The following LARGE1 variants were observed in gnomAD, a reference collection of about 807,000 sequenced individuals.
LARGE1 encodes the protein xylosyl- and glucuronyltransferase LARGE1.
Under a neutral mutation model 87.6 loss-of-function variants are expected in LARGE1, and 43 were observed. The ratio of observed to expected loss-of-function variants is 0.49; its 90% CI spans 0.38 to 0.63. The LOEUF is 0.63. Among genes scored for constraint, LARGE1 ranks in the 30% least tolerant of loss-of-function variants. LARGE1 has a pLI of 0.00. For missense variants in LARGE1, 802 were observed against 1,000.2 expected (o/e 0.80, Z 2.67); for synonymous variants, 434 against 394.6 (o/e 1.10, Z -1.18).
chr22:33,078,923 C>T, the LARGE1 span, among the ~76,000 whole-genome samples: 1 of 152,154 alleles, frequency 6.6e-6, no homozygotes, highest in African/African-American at 2.4e-5. Context: ...GAAAATATCA[C>T]GTGCAAAGGC....
chr22:33,812,219 T>C (rs2086518418), intron 1 of LARGE1, among the ~76,000 whole-genome samples: 1 of 152,230 alleles, frequency 6.6e-6, no homozygotes, highest in Non-Finnish European at 1.5e-5. Flanking sequence ...CCCAAAGGGC[T>C]GGACCATGAA....
intron 11 of LARGE1, among the ~76,000 whole-genome samples, chr22:33,255,028 C>G (rs1251436130): frequency 3.3e-5 from 5 of 151,946 alleles, no homozygotes; most frequent in African/African-American, 9.7e-5. Context: ...ACCTCCGCCC[C>G]CCAGGTTCAA....
chr22:33,870,454 C>T (rs2064241623), intron 1 of LARGE1, among the ~76,000 whole-genome samples: 1 of 152,228 alleles, frequency 6.6e-6, no homozygotes, highest in Admixed American at 6.5e-5. Flanking sequence ...TCATTAACAA[C>T]AAATACCAGT....
At chr22:33,653,160 G>T (rs923961338) in intron 2 of LARGE1, among the ~76,000 whole-genome samples, 1 of 152,202 alleles carries the variant, frequency 6.6e-6, no homozygotes, top group African/African-American at 2.4e-5. Flanking sequence ...TTCCTCGGGA[G>T]TTACACCTTC....
intron 1 of LARGE1, among the ~76,000 whole-genome samples, chr22:33,842,752 G>A (rs974496471): frequency 6.6e-6 from 1 of 152,142 alleles, no homozygotes; most frequent in African/African-American, 2.4e-5. Flanking sequence ...TTGAGACTAA[G>A]GAACTGTATT....
At chr22:33,550,081 C>T (rs949200717) in intron 6 of LARGE1, among the ~76,000 whole-genome samples, 2 of 151,302 alleles carry the variant, frequency 1.3e-5, no homozygotes, top group African/African-American at 4.9e-5. Flanking sequence ...ACCAACACAG[C>T]ACATGTATAC....
At chr22:33,840,515 G>A (rs1487502536) in intron 1 of LARGE1, among the ~76,000 whole-genome samples, 3 of 152,024 alleles carry the variant, frequency 2.0e-5, no homozygotes, top group Non-Finnish European at 2.9e-5. Flanking sequence ...TCAAAATTTG[G>A]TGTGAAAGGT....
At chr22:33,584,987 C>A (rs1305237731) in intron 5 of LARGE1, among the ~76,000 whole-genome samples, 1 of 151,834 alleles carries the variant, frequency 6.6e-6, no homozygotes, top group African/African-American at 2.4e-5. Context: ...CATGGTGATG[C>A]GCGCCTGTAA....
At chr22:33,821,892 T>C (rs77641250) in intron 1 of LARGE1, among the ~76,000 whole-genome samples, 10,880 of 150,400 alleles carry the variant, frequency 0.072, 509 homozygotes, top group Admixed American at 0.11. Flanking sequence ...GTGAAGGAAA[T>C]GGAAAACTAT....
chr22:33,704,659 T>C (rs1348820130), intron 2 of LARGE1: 1 of 152,402 alleles, frequency 6.6e-6, no homozygotes, highest in African/African-American at 2.4e-5. Context: ...AATCTCTGTC[T>C]ACACACAGAA....
At chr22:33,436,730 T>G (rs917414828) in intron 6 of LARGE1, 2 of 152,586 alleles carry the variant, frequency 1.3e-5, no homozygotes, top group Non-Finnish European at 2.9e-5. Context: ...CTGTCCCTTC[T>G]TCCAGGAGCC....
At chr22:33,860,238 C>T (rs941615247) in intron 1 of LARGE1, among the ~76,000 whole-genome samples, 8 of 152,066 alleles carry the variant, frequency 5.3e-5, no homozygotes, top group East Asian at 1.9e-4. Context: ...GTGATCCTAC[C>T]GCTTCAGCTT....
intron 11 of LARGE1, among the ~76,000 whole-genome samples, chr22:33,222,433 AAT>A (rs1925501189): frequency 1.3e-5 from 2 of 152,280 alleles, no homozygotes; most frequent in East Asian, 1.9e-4. Flanking sequence ...CCCCACAAAA[AAT>A]ATGTCTATAT....
At chr22:33,354,153 A>C (rs1165826135) in intron 9 of LARGE1, among the ~76,000 whole-genome samples, 3 of 152,248 alleles carry the variant, frequency 2.0e-5, no homozygotes, top group African/African-American at 7.2e-5. Flanking sequence ...TTCGGTGGAA[A>C]GGTGACAAAT....
intron 1 of LARGE1, among the ~76,000 whole-genome samples, chr22:33,765,816 GA>G (rs953987806): frequency 1.6e-4 from 25 of 151,676 alleles, no homozygotes; most frequent in African/African-American, 6.1e-4. Context: ...ATAACACTGG[GA>G]AAAAAACTCT....
At chr22:33,389,985 A>G (rs1014571603) in intron 7 of LARGE1, among the ~76,000 whole-genome samples, 5 of 152,212 alleles carry the variant, frequency 3.3e-5, no homozygotes, top group Non-Finnish European at 5.9e-5. Context: ...TCTTCAGAAC[A>G]AGCTATAACC....
In LARGE1 at chr22:33,659,898, G is replaced by C. The variant is rs73882286; in HGVS notation, c.107-9230C>G. Among the ~76,000 whole-genome samples the C allele has an allele frequency of 4.8e-3, 737 of 152,166 alleles. 9 individuals carry two copies. Among genetic ancestry groups the C allele is most frequent in the African/African-American group, 0.017 (700 of 41,510 alleles). On this transcript the variant is annotated intron_variant, in intron 2 of 14. Coordinates refer to ENST00000397394, the MANE Select transcript of LARGE1 (RefSeq NM_133642.5). Reference sequence around the variant, plus strand: ...CATAAAATCATTTCCAAGAACGTTAGCTTAAAGAGCTTCATTAAGTCAAGA... The same window carrying C: ...CATAAAATCATTTCCAAGAACGTTACCTTAAAGAGCTTCATTAAGTCAAGA...
At chr22:33,678,730 T>A (rs559656715) in intron 2 of LARGE1, among the ~76,000 whole-genome samples, 3 of 152,228 alleles carry the variant, frequency 2.0e-5, no homozygotes, top group African/African-American at 7.2e-5. Flanking sequence ...TGACACACCC[T>A]CCACGAATGA....
chr22:33,482,404 T>C (rs943541452), intron 6 of LARGE1, among the ~76,000 whole-genome samples: 1 of 152,210 alleles, frequency 6.6e-6, no homozygotes, highest in Admixed American at 6.5e-5. Context: ...CTTGTTCCAG[T>C]AACTGGGGGC....
Sources: allele counts gnomAD v4.1 joint callset (sites outside exome capture counted in the v4.1 genomes callset), GRCh38; gene constraint gnomAD v4.1.1; transcripts MANE v1.5; gene names NCBI Gene and HGNC (gene_info 2026-07-23, HGNC 2026-07-21).